The following DCC variants were observed in gnomAD, a reference collection of about 807,000 sequenced individuals.
DCC encodes the protein DCC netrin 1 receptor.
A neutral mutation model predicts 172.5 loss-of-function variants in DCC; 58 were observed. That is an observed-to-expected ratio of 0.34 (90% CI 0.27 to 0.42). The LOEUF (loss-of-function observed/expected upper bound fraction) is 0.42. Among genes scored for constraint, DCC ranks in the 10% least tolerant of loss-of-function variants. The pLI, the probability that DCC is intolerant of heterozygous loss-of-function variation, is 1.00. For synonymous variants in DCC, 709 were observed against 644.5 expected (o/e 1.10, Z -1.52); for missense variants, 1,740 against 1,791.0 (o/e 0.97, Z 0.51).
At chr18:52,846,612 C>CACACAG (rs2038896526) in intron 2 of DCC, among the ~76,000 whole-genome samples, 1 of 102,232 alleles carries the variant, frequency 9.8e-6, no homozygotes, top group African/African-American at 3.9e-5. Context: ...ACTCCAAACA[C>CACACAG]ACACACACAC....
rs77599216 is a variant in DCC, at chr18:52,440,697, C to T, written c.91+99819C>T. 9.8e-3 allele frequency among the ~76,000 whole-genome samples: 1,489 copies of T among 152,268 alleles called. 27 individuals carry two copies. The highest frequency in any genetic ancestry group is 0.034 in the African/African-American group (1,429 of 41,538). ...AATTGCACTGTTAGAAGAACATTAA[C>T]TTTTTCATTTCACACTTTCTGAGCC... On this transcript the variant is annotated intron_variant, in intron 1 of 28. Coordinates refer to ENST00000442544, the MANE Select transcript of DCC (RefSeq NM_005215.4).
intron 9 of DCC, among the ~76,000 whole-genome samples, chr18:53,186,804 T>A (rs996408362): frequency 6.6e-6 from 1 of 152,176 alleles, no homozygotes; most frequent in African/African-American, 2.4e-5. Flanking sequence ...GACTGAGAAG[T>A]CTGAGATTAA....
At chr18:52,923,354 G>T (rs1261026318) in intron 3 of DCC, among the ~76,000 whole-genome samples, 2 of 152,126 alleles carry the variant, frequency 1.3e-5, no homozygotes, top group Non-Finnish European at 2.9e-5. Flanking sequence ...ATTGGTGGTA[G>T]GCAAACTGAA....
chr18:52,523,552 C>G (rs2031887499), intron 1 of DCC, among the ~76,000 whole-genome samples: 1 of 152,090 alleles, frequency 6.6e-6, no homozygotes, highest in South Asian at 2.1e-4. Flanking sequence ...GTTTAAATGT[C>G]TTATAACAAT....
intron 25 of DCC, among the ~76,000 whole-genome samples, chr18:53,484,024 G>GTA (rs1459662595): frequency 9.9e-5 from 15 of 151,466 alleles, no homozygotes; most frequent in East Asian, 3.9e-4. Context: ...TAGTGTGTGT[G>GTA]TATATATATA....
intron 7 of DCC, among the ~76,000 whole-genome samples, chr18:53,116,879 G>A (rs1598818398): frequency 1.3e-5 from 2 of 151,554 alleles, no homozygotes; most frequent in Non-Finnish European, 3.0e-5. Flanking sequence ...CTAGACTAAA[G>A]GGCAGATCCT....
At position 53,532,707 on chromosome 18, in the gene DCC, A is replaced by C. The variant is rs2046535782; in HGVS notation, c.*2054A>C. 6.6e-6 allele frequency: 1 copy of C among 152,126 alleles called. No homozygotes were observed. Among genetic ancestry groups the C allele is most frequent in the African/African-American group, 2.4e-5 (1 of 41,434 alleles). The allele number at this position is 152,126 out of a possible 1,614,324, so 9.4% of individuals were successfully genotyped here. ...CTAGCAAACATGGAACATTCTCCTT[A>C]GGCACTTGACACCCACGAGGGTAAT... On this transcript the variant is annotated 3_prime_UTR_variant, in exon 29 of 29. Coordinates refer to ENST00000442544, the MANE Select transcript of DCC (RefSeq NM_005215.4).
chr18:53,418,027 C>T (rs2145071020), intron 21 of DCC, among the ~76,000 whole-genome samples: 1 of 152,262 alleles, frequency 6.6e-6, no homozygotes, highest in South Asian at 2.1e-4. Context: ...TCAAGAATTA[C>T]TGCCAGTGGC....
intron 1 of DCC, among the ~76,000 whole-genome samples, chr18:52,658,808 C>T (rs1466540674): frequency 2.0e-5 from 3 of 152,226 alleles, no homozygotes; most frequent in African/African-American, 7.2e-5. Context: ...AGACAAATAA[C>T]TGCATCAGAT....
chr18:52,487,810 CAAAAAAAAAAA>C (rs5824940), intron 1 of DCC, among the ~76,000 whole-genome samples: 1 of 74,400 alleles, frequency 1.3e-5, no homozygotes, highest in Non-Finnish European at 2.3e-5. Flanking sequence ...GACTCCACCT[CAAAAAAAAAAA>C]AAAAAAAAAA....
At chr18:53,491,289 T>G (rs2045956705) in intron 26 of DCC, among the ~76,000 whole-genome samples, 1 of 152,190 alleles carries the variant, frequency 6.6e-6, no homozygotes. Flanking sequence ...TATGAAAGTT[T>G]TCAAAATAAG....
intron 1 of DCC, among the ~76,000 whole-genome samples, chr18:52,584,906 C>T (rs2033637369): frequency 6.6e-6 from 1 of 152,144 alleles, no homozygotes; most frequent in Non-Finnish European, 1.5e-5. Context: ...AAACCTTGGG[C>T]ATATGGCTCT....
chr18:52,604,265 A>T (rs2034083736), intron 1 of DCC, among the ~76,000 whole-genome samples: 1 of 152,028 alleles, frequency 6.6e-6, no homozygotes, highest in Admixed American at 6.6e-5. Flanking sequence ...TCATTACCCC[A>T]ATTCTGTCAG....
intron 12 of DCC, among the ~76,000 whole-genome samples, chr18:53,248,361 A>G (rs1420660468): frequency 6.6e-6 from 1 of 152,006 alleles, no homozygotes; most frequent in African/African-American, 2.4e-5. Flanking sequence ...ACTGTGGCCA[A>G]TGAGACTTAA....
At chr18:53,061,309 A>T (rs188309147) in intron 5 of DCC, among the ~76,000 whole-genome samples, 1 of 152,040 alleles carries the variant, frequency 6.6e-6, no homozygotes, top group East Asian at 1.9e-4. Context: ...CTATATTCCT[A>T]ATCCTTTCTA....
chr18:52,992,784 TGG>T (rs2041414448), intron 5 of DCC, among the ~76,000 whole-genome samples: 1 of 152,080 alleles, frequency 6.6e-6, no homozygotes, highest in African/African-American at 2.4e-5. Context: ...GAGACCACCC[TGG>T]CCAACATGGC....
intron 1 of DCC, among the ~76,000 whole-genome samples, chr18:52,656,414 T>C (rs943498320): frequency 1.3e-5 from 2 of 152,126 alleles, no homozygotes; most frequent in African/African-American, 4.8e-5. Flanking sequence ...ACCTTGAACT[T>C]GGACTTCCCA....
intron 2 of DCC, among the ~76,000 whole-genome samples, chr18:52,849,114 C>T (rs975737515): frequency 1.3e-4 from 19 of 149,964 alleles, no homozygotes; most frequent in Admixed American, 2.7e-4. Flanking sequence ...TGTGTGTGTT[C>T]GTTCTAGGAG....
intron 7 of DCC, among the ~76,000 whole-genome samples, chr18:53,112,310 A>C (rs2043344821): frequency 6.6e-6 from 1 of 151,578 alleles, no homozygotes; most frequent in Admixed American, 6.6e-5. Flanking sequence ...TATGAAAATT[A>C]AGTGAATATA....
Sources: gnomAD v4.1 joint callset for allele counts (sites outside exome capture counted in the v4.1 genomes callset) on GRCh38, gnomAD v4.1.1 for gene constraint, MANE v1.5 for transcripts, NCBI Gene and HGNC (gene_info 2026-07-23, HGNC 2026-07-21) for gene names.